Variants in MARK2 observed in about 807,000 individuals in gnomAD.
The protein encoded by MARK2 is serine/threonine-protein kinase MARK2.
A neutral mutation model predicts 89.8 loss-of-function variants in MARK2; 16 were observed. The observed-to-expected ratio is 0.18, with a 90% CI of 0.12 to 0.27. The LOEUF (loss-of-function observed/expected upper bound fraction) is 0.27, where lower values mean the gene tolerates loss of function less well. Ranked by LOEUF, MARK2 falls within the 10% of genes least tolerant of loss-of-function variation. The pLI is 1.00. For missense variants in MARK2, 621 were observed against 1,049.9 expected (o/e 0.59, Z 5.65); for synonymous variants, 382 against 399.5 (o/e 0.96, Z 0.52).
chr11:63,855,529 A>AC (rs1232438405), intron 1 of MARK2, among the ~76,000 whole-genome samples: 1 of 148,020 alleles, frequency 6.8e-6, no homozygotes, highest in African/African-American at 2.5e-5. Flanking sequence ...TTCAAAAACA[A>AC]AAAAAAAAAA....
intron 1 of MARK2, among the ~76,000 whole-genome samples, chr11:63,864,377 C>T (rs1030171230): frequency 6.6e-6 from 1 of 152,160 alleles, no homozygotes; most frequent in African/African-American, 2.4e-5. Context: ...CTCATCCTCC[C>T]GAGTAGCTGG....
At chr11:63,841,996 C>T (rs1002417593) in intron 1 of MARK2, among the ~76,000 whole-genome samples, 5 of 152,102 alleles carry the variant, frequency 3.3e-5, no homozygotes, top group Non-Finnish European at 7.3e-5. Context: ...TAACTTTGCC[C>T]AGAGCAGTAG....
At chr11:63,875,809 A>T (rs1267244315) in intron 1 of MARK2, among the ~76,000 whole-genome samples, 1 of 152,228 alleles carries the variant, frequency 6.6e-6, no homozygotes, top group Non-Finnish European at 1.5e-5. Context: ...TCTATGGCAG[A>T]CACACTCAGG....
intron 1 of MARK2, among the ~76,000 whole-genome samples, chr11:63,851,653 A>C (rs920254712): frequency 6.6e-6 from 1 of 152,054 alleles, no homozygotes; most frequent in South Asian, 2.1e-4. Context: ...TCAGGATATG[A>C]ATTTTGATCT....
At chr11:63,888,520 T>C in intron 1 of MARK2, 1 of 1,017,992 alleles carries the variant, frequency 9.8e-7, no homozygotes, top group South Asian at 3.5e-5. Context: ...AGGAAGTTGA[T>C]CTAAACCCGC....
intron 1 of MARK2, among the ~76,000 whole-genome samples, chr11:63,846,564 C>G (rs1469893918): frequency 2.0e-5 from 3 of 151,900 alleles, no homozygotes; most frequent in Non-Finnish European, 4.4e-5. Flanking sequence ...CCATGTTGGT[C>G]AGGCTGGCCT....
intron 1 of MARK2, among the ~76,000 whole-genome samples, chr11:63,849,274 C>A (rs990456417): frequency 1.3e-5 from 2 of 152,194 alleles, no homozygotes; most frequent in African/African-American, 2.4e-5. Context: ...GAGATTGTTG[C>A]TTTGTCTTTT....
chr11:63,898,953 G>A (rs770542114), intron 6 of MARK2, 99 bp from the exon 7 acceptor site: 46 of 1,217,526 alleles, frequency 3.8e-5, no homozygotes, highest in East Asian at 1.6e-4. Context: ...CTGCTTATCC[G>A]TGTGGCAGGT....
At chr11:63,857,012 C>T (rs796559255) in intron 1 of MARK2, among the ~76,000 whole-genome samples, 41 of 151,332 alleles carry the variant, frequency 2.7e-4, no homozygotes, top group African/African-American at 9.0e-4. Context: ...GGGGTTTCAC[C>T]GTGTTAGCCA....
chr11:63,895,658 CTTTTTTTT>C lies in MARK2; in HGVS notation c.288+46_288+53del, dbSNP rs544118942. 1.1e-4 allele frequency: 124 copies of C among 1,163,140 alleles called. No homozygotes were observed. In the African/African-American group the frequency reaches 2.3e-3, roughly 21 times the overall value. 72.1% of individuals were successfully genotyped at this position (1,163,140 alleles called of 1,614,324 possible). On this transcript the variant is annotated intron_variant, in intron 3 of 18. Transcript: ENST00000402010. Reference sequence around the variant, plus strand: ...AGTAAGCACATGGCACCTCCTGTCCCTTTTTTTTTTTTTTTTTTTTTTTTTTTTGAGTC... The same window carrying C: ...AGTAAGCACATGGCACCTCCTGTCCCTTTTTTTTTTTTTTTTTTTTGAGTC...
chr11:63,869,275 C>G (rs1000187336), intron 1 of MARK2: 2 of 157,278 alleles, frequency 1.3e-5, no homozygotes, highest in African/African-American at 4.9e-5. Flanking sequence ...TTTGCCAACT[C>G]AGTTTCTCTT....
Position 63,881,863 on chromosome 11 carries a change from G to A in MARK2, c.55-13296G>A, listed in dbSNP as rs553998895. Among the ~76,000 whole-genome samples, 178 of 152,286 alleles carry A rather than the reference G, an allele frequency of 1.2e-3. 1 individual carries two copies. The highest frequency in any genetic ancestry group is 1.8e-3 in the Non-Finnish European group (125 of 68,016). ...CCCAACTATTCGAGAGGCTGAAGCA[G>A]GAGAATCCCTTGAACCCAGGAGTTT... On this transcript the variant is annotated intron_variant, in intron 1 of 18. Coordinates refer to ENST00000402010, the MANE Select transcript of MARK2 (RefSeq NM_001039469.3).
intron 1 of MARK2, among the ~76,000 whole-genome samples, chr11:63,878,359 C>CT (rs59251368): frequency 0.044 from 3,190 of 72,740 alleles, 249 homozygotes; most frequent in South Asian, 0.12. Context: ...TTGTTCAAGT[C>CT]TTTTTTTTTT....
intron 1 of MARK2, chr11:63,868,839 A>T: frequency 2.2e-6 from 1 of 456,064 alleles, no homozygotes; most frequent in African/African-American, 2.0e-5. Flanking sequence ...GGAGTTATTT[A>T]TAGTGGGAGA....
chr11:63,860,088 G>C (rs1937659391), intron 1 of MARK2, among the ~76,000 whole-genome samples: 1 of 152,190 alleles, frequency 6.6e-6, no homozygotes, highest in African/African-American at 2.4e-5. Context: ...GAAAATTGTA[G>C]TAGTATATAA....
chr11:63,898,925 T>C (rs1277554051), intron 6 of MARK2, 92 bp downstream of exon 6: 3 of 1,298,364 alleles, frequency 2.3e-6, no homozygotes, highest in Non-Finnish European at 3.4e-6. Flanking sequence ...AAGTGGCCCT[T>C]GGAGGGTACT....
intron 1 of MARK2, among the ~76,000 whole-genome samples, chr11:63,856,096 C>G (rs1438644568): frequency 6.6e-6 from 1 of 152,196 alleles, no homozygotes; most frequent in East Asian, 1.9e-4. Context: ...TTGTCTTGAT[C>G]GGTTGGTTGG....
intron 1 of MARK2, among the ~76,000 whole-genome samples, chr11:63,856,973 G>A (rs2016897324): frequency 6.6e-6 from 1 of 150,408 alleles, no homozygotes; most frequent in African/African-American, 2.4e-5. Flanking sequence ...CACCATGCCC[G>A]GCTAATTTTT....
chr11:63,888,403 G>A lies in MARK2; in HGVS notation c.55-6756G>A, dbSNP rs897080874. Reference sequence around the variant, plus strand: ...GGTGAGCTAGGGTTTTATGACAGCCGTGGCTGCAGTGAGTCTCCTCGACCT... The same window carrying A: ...GGTGAGCTAGGGTTTTATGACAGCCATGGCTGCAGTGAGTCTCCTCGACCT... On this transcript the variant is annotated intron_variant, in intron 1 of 18. Transcript: ENST00000402010. 9 of 376,974 alleles carry A rather than the reference G, an allele frequency of 2.4e-5. 1 individual carries two copies. The South Asian group carries it at 6.4e-4, about 27-fold the overall frequency. The allele number at this position is 376,974 out of a possible 1,614,324, so 23.4% of individuals were successfully genotyped here.
Sources: gnomAD v4.1 joint callset for allele counts (sites outside exome capture counted in the v4.1 genomes callset) on GRCh38, gnomAD v4.1.1 for gene constraint, MANE v1.5 for transcripts, NCBI Gene and HGNC (gene_info 2026-07-23, HGNC 2026-07-21) for gene names.